HAVCR2: variants seen among roughly 807,000 people sequenced by gnomAD.
HAVCR2 encodes the protein T cell immunoglobulin mucin 3.
HAVCR2 carries 13 observed loss-of-function variants against 24.7 expected under a neutral mutation model. The observed-to-expected ratio is 0.53, with a 90% confidence interval of 0.34 to 0.84. The LOEUF (loss-of-function observed/expected upper bound fraction) is 0.84. Among genes scored for constraint, HAVCR2 ranks in the 40% least tolerant of loss-of-function variants. The probability of loss-of-function intolerance (pLI) is 0.01; values close to 1 mark genes in which losing one functional copy is unlikely to be tolerated. For synonymous variants in HAVCR2, 154 were observed against 143.4 expected (o/e 1.07, Z -0.53); for missense variants, 343 against 371.2 (o/e 0.92, Z 0.62).
intron 5 of HAVCR2, among the ~76,000 whole-genome samples, chr5:157,090,290 G>A (rs1046440404): frequency 2.6e-5 from 4 of 151,318 alleles, no homozygotes; most frequent in African/African-American, 9.7e-5. Flanking sequence ...TACCACAGCT[G>A]GATAATTTTT....
At chr5:157,103,130 G>A (rs1757193743) in intron 3 of HAVCR2, among the ~76,000 whole-genome samples, 1 of 152,070 alleles carries the variant, frequency 6.6e-6, no homozygotes, top group Non-Finnish European at 1.5e-5. Flanking sequence ...TTGGGAGGCC[G>A]AGGCGGGAGG....
At chr5:157,104,580 G>T in intron 3 of HAVCR2, 86 bp downstream of exon 3, 5 of 955,150 alleles carry the variant, frequency 5.2e-6, no homozygotes, top group Non-Finnish European at 6.5e-6. Flanking sequence ...CTCTCACACT[G>T]TTTTCTCATC....
chr5:157,104,981 C>A, intron 2 of HAVCR2: 1 of 270,008 alleles, frequency 3.7e-6, no homozygotes, highest in Non-Finnish European at 6.9e-6. Flanking sequence ...AATAGCGGAA[C>A]TAACAGCCAC....
chr5:157,104,849 A>G lies in HAVCR2; in HGVS notation c.395-100T>C, dbSNP rs138349030. 457 of 786,636 alleles carry G rather than the reference A, an allele frequency of 5.8e-4. 7 individuals carry two copies. In the East Asian group the frequency reaches 0.012, roughly 22 times the overall value. 48.7% of individuals were successfully genotyped at this position (786,636 alleles called of 1,614,324 possible). A position where few individuals can be genotyped will look rare whatever the true frequency, so the allele number is the denominator to read the frequency against. ...CAAGAAAAAAATGCGAAAGACAATTAAGAAAGAGAAATACACCCTCAGCTT... is the reference window on the plus strand; with the variant it reads ...CAAGAAAAAAATGCGAAAGACAATTGAGAAAGAGAAATACACCCTCAGCTT... On this transcript the variant is annotated intron_variant, in intron 2 of 6. Coordinates refer to ENST00000307851, the MANE Select transcript of HAVCR2 (RefSeq NM_032782.5).
At chr5:157,106,453 G>C in intron 2 of HAVCR2, 174 bp downstream of exon 2, 1 of 614,448 alleles carries the variant, frequency 1.6e-6, no homozygotes, top group East Asian at 2.8e-5. Context: ...TTAAAACAGA[G>C]AGAAGGTGTT....
chr5:157,092,894 A>AT (rs1561619837), intron 5 of HAVCR2, among the ~76,000 whole-genome samples: 2 of 80,600 alleles, frequency 2.5e-5, no homozygotes, highest in African/African-American at 9.5e-5. Flanking sequence ...AAAAAAAAAA[A>AT]AAAAAAAAAA....
intron 5 of HAVCR2, among the ~76,000 whole-genome samples, chr5:157,092,913 A>C (rs1185422706): frequency 7.4e-4 from 91 of 123,028 alleles, no homozygotes; most frequent in African/African-American, 2.8e-3. Context: ...AAAAAAAAAA[A>C]AAAAACTAGC....
intron 1 of HAVCR2, among the ~76,000 whole-genome samples, chr5:157,108,484 C>G (rs1478093373): frequency 6.7e-6 from 1 of 149,712 alleles, no homozygotes. Context: ...GAGACTCCAT[C>G]TCAATTGAAA....
intron 5 of HAVCR2, among the ~76,000 whole-genome samples, chr5:157,090,619 G>C (rs554651898): frequency 1.3e-5 from 2 of 152,246 alleles, no homozygotes; most frequent in South Asian, 2.1e-4. Context: ...CTGGCCTCAA[G>C]TGACTCTCCT....
At chr5:157,098,795 G>T in intron 4 of HAVCR2, 63 bp downstream of exon 4, 1 of 1,483,198 alleles carries the variant, frequency 6.7e-7, no homozygotes, top group Non-Finnish European at 9.3e-7. Flanking sequence ...CATGAAGGAA[G>T]TCTAAAGCCA....
intron 5 of HAVCR2, among the ~76,000 whole-genome samples, chr5:157,092,804 G>C (rs961444066): frequency 7.1e-6 from 1 of 141,560 alleles, no homozygotes; most frequent in African/African-American, 2.7e-5. Context: ...TTGGGAGGCT[G>C]AAGTAGGAGG....
chr5:157,086,922 G>C lies in HAVCR2; in HGVS notation c.*180C>G, dbSNP rs1756921622. 1.7e-6 allele frequency: 1 copy of C among 576,182 alleles called. No individual in the cohort carries two copies. The highest frequency in any genetic ancestry group is 2.4e-5 in the South Asian group (1 of 42,048). The allele number at this position is 576,182 out of a possible 1,614,324, so 35.7% of individuals were successfully genotyped here. On this transcript the variant is annotated 3_prime_UTR_variant, in exon 7 of 7. Coordinates refer to ENST00000307851, the MANE Select transcript of HAVCR2 (RefSeq NM_032782.5). ...CTGTTGGCTTAAATACAGAGGCAAT[G>C]ACATGCCTGTTTAAGTTCAGTGCAG...
intron 2 of HAVCR2, among the ~76,000 whole-genome samples, chr5:157,105,579 A>G (rs192626593): frequency 1.3e-4 from 20 of 152,244 alleles, no homozygotes; most frequent in Admixed American, 1.0e-3. Flanking sequence ...GGCCCACATG[A>G]TCGGTATTAT....
chr5:157,100,447 C>T (rs1757151865), intron 3 of HAVCR2, among the ~76,000 whole-genome samples: 1 of 152,190 alleles, frequency 6.6e-6, no homozygotes, highest in African/African-American at 2.4e-5. Flanking sequence ...TCTGCTGATC[C>T]ATTCCATGAA....
At chr5:157,098,985 A>G in intron 3 of HAVCR2, 84 bp from the exon 4 acceptor site, 1 of 1,272,462 alleles carries the variant, frequency 7.9e-7, no homozygotes, top group East Asian at 2.4e-5. Flanking sequence ...AAGTTTTTAA[A>G]AAATCTTAAT....
In HAVCR2 at chr5:157,089,072, G is replaced by A. The variant is rs147953928; in HGVS notation, c.677-95C>T. On this transcript the variant is annotated intron_variant, in intron 5 of 6. Coordinates refer to ENST00000307851, the MANE Select transcript of HAVCR2 (RefSeq NM_032782.5). ...TTCACTGGAAGCACGCATAGTTTAG[G>A]GAAATCTGGTCTCATCTCAGATTGA... 4.4e-4 allele frequency: 475 copies of A among 1,081,950 alleles called. 1 individual carries two copies. The highest frequency in any genetic ancestry group is 2.1e-3 in the African/African-American group (131 of 62,726). 67.0% of individuals were successfully genotyped at this position (1,081,950 alleles called of 1,614,324 possible).
At position 157,098,905 on chromosome 5, in the gene HAVCR2, T is replaced by C. The variant is rs1326183526; in HGVS notation, c.479-4A>G. On this transcript the variant is annotated splice_polypyrimidine_tract_variant and splice_region_variant and intron_variant, in intron 3 of 6. Transcript: ENST00000307851. ...CTCCCCAGTGTCTGTGTCTCTGCTA[T>C]AAAAAGAGAGAGAGAGAGAGAGAGA... 11 of 1,611,310 alleles carry C rather than the reference T, an allele frequency of 6.8e-6. No individual in the cohort carries two copies. The highest frequency in any genetic ancestry group is 9.3e-6 in the Non-Finnish European group (11 of 1,178,276).
At chr5:157,090,222 TG>T (rs1188626695) in intron 5 of HAVCR2, among the ~76,000 whole-genome samples, 7 of 142,800 alleles carry the variant, frequency 4.9e-5, no homozygotes. Context: ...TTTGAACTCC[TG>T]GGCTCAAGGG....
intron 6 of HAVCR2, 48 bp downstream of exon 6, chr5:157,088,893 G>A (rs1756952770): frequency 1.3e-6 from 2 of 1,486,118 alleles, no homozygotes; most frequent in Admixed American, 3.4e-5. Context: ...TTAGAGTAGG[G>A]ACTTCCAAGA....
Sources: gnomAD v4.1 joint callset for allele counts (sites outside exome capture counted in the v4.1 genomes callset) on GRCh38, gnomAD v4.1.1 for gene constraint, MANE v1.5 for transcripts, NCBI Gene and HGNC (gene_info 2026-07-23, HGNC 2026-07-21) for gene names.